DENND1B: variants seen among roughly 807,000 people sequenced by gnomAD.
DENND1B encodes the protein DENN domain-containing protein 1B.
A neutral mutation model predicts 90.1 loss-of-function variants in DENND1B; 59 were observed. The observed-to-expected ratio is 0.65, with a 90% CI of 0.53 to 0.81. The LOEUF is 0.81. Among genes scored for constraint, DENND1B ranks in the 40% least tolerant of loss-of-function variants. DENND1B has a pLI of 0.00. For missense variants in DENND1B, 862 were observed against 912.6 expected, an observed-to-expected ratio of 0.94 and a Z score of 0.71; for synonymous variants, 337 against 324.6, an observed-to-expected ratio of 1.04 and a Z score of -0.41.
intron 10 of DENND1B, among the ~76,000 whole-genome samples, chr1:197,634,151 C>T (rs927809127): frequency 2.0e-5 from 3 of 152,160 alleles, no homozygotes; most frequent in African/African-American, 4.8e-5. Flanking sequence ...CTGGGTGCTC[C>T]GTCTCAGCCC....
intron 10 of DENND1B, among the ~76,000 whole-genome samples, chr1:197,628,296 C>T (rs555602017): frequency 2.1e-4 from 32 of 152,244 alleles, no homozygotes; most frequent in African/African-American, 7.5e-4. Context: ...CTATAGTAAC[C>T]AAAACAGTGT....
At chr1:197,552,989 A>T (rs1422877481) in intron 16 of DENND1B, 33 bp downstream of exon 16, 1 of 1,561,956 alleles carries the variant, frequency 6.4e-7, no homozygotes, top group South Asian at 1.2e-5. Flanking sequence ...TGTTATTGAG[A>T]AAATGGATAA....
At chr1:197,530,876 A>C (rs575670626) in intron 20 of DENND1B, among the ~76,000 whole-genome samples, 23 of 152,296 alleles carry the variant, frequency 1.5e-4, no homozygotes, top group Non-Finnish European at 2.5e-4. Context: ...CTCAATGTTA[A>C]ATCCTAGTAC....
intron 2 of DENND1B, among the ~76,000 whole-genome samples, chr1:197,769,293 A>C (rs1379725836): frequency 6.6e-6 from 1 of 152,114 alleles, no homozygotes; most frequent in Non-Finnish European, 1.5e-5. Flanking sequence ...CAACCCCTTT[A>C]CCTCTACCCC....
intron 3 of DENND1B, among the ~76,000 whole-genome samples, chr1:197,707,296 T>C (rs1571437518): frequency 6.6e-6 from 1 of 152,192 alleles, no homozygotes; most frequent in African/African-American, 2.4e-5. Context: ...AGAGGTTAGT[T>C]AATGGATCCA....
At chr1:197,596,143 G>GA (rs1253737699) in intron 13 of DENND1B, among the ~76,000 whole-genome samples, 1 of 151,894 alleles carries the variant, frequency 6.6e-6, no homozygotes, top group Non-Finnish European at 1.5e-5. Context: ...TCAAATCAAA[G>GA]AAAAACTTAC....
chr1:197,717,578 T>A (rs1039136286), intron 2 of DENND1B, among the ~76,000 whole-genome samples: 1 of 151,992 alleles, frequency 6.6e-6, no homozygotes, highest in South Asian at 2.1e-4. Context: ...TGTTACAGCA[T>A]AGTAAGAAAA....
chr1:197,516,806 T>C (rs1371279259), intron 20 of DENND1B, among the ~76,000 whole-genome samples: 1 of 151,716 alleles, frequency 6.6e-6, no homozygotes, highest in East Asian at 1.9e-4. Flanking sequence ...ATATTAACTA[T>C]GCAGGACCTG....
At chr1:197,735,516 T>G in intron 2 of DENND1B, 1 of 1,606,954 alleles carries the variant, frequency 6.2e-7, no homozygotes, top group Non-Finnish European at 8.5e-7. Context: ...TATGTTTACT[T>G]TAGTGTGAAC....
chr1:197,603,974 A>G (rs998538080), intron 13 of DENND1B, among the ~76,000 whole-genome samples: 9 of 151,252 alleles, frequency 6.0e-5, no homozygotes, highest in African/African-American at 1.7e-4. Context: ...ACTGTGATTG[A>G]TGCTGTAACT....
At chr1:197,553,441 A>G (rs781489930) in intron 15 of DENND1B, among the ~76,000 whole-genome samples, 27 of 152,134 alleles carry the variant, frequency 1.8e-4, no homozygotes, top group Admixed American at 6.6e-5. Context: ...CACAATCTCT[A>G]CAGAGGAGTT....
chr1:197,538,862 G>T (rs1670116441), intron 20 of DENND1B, among the ~76,000 whole-genome samples: 2 of 151,864 alleles, frequency 1.3e-5, no homozygotes, highest in African/African-American at 4.8e-5. Flanking sequence ...CCTCTTGGGT[G>T]GGATTAGTGC....
intron 10 of DENND1B, among the ~76,000 whole-genome samples, chr1:197,628,908 C>CA (rs1268655098): frequency 6.6e-6 from 1 of 151,762 alleles, no homozygotes; most frequent in Non-Finnish European, 1.5e-5. Context: ...TTTATGCAGC[C>CA]AAAAAACACA....
At chr1:197,777,360 G>A (rs576249178), upstream of DENND1B, among the ~76,000 whole-genome samples, 1 of 152,158 alleles carries the variant, frequency 6.6e-6, no homozygotes, top group East Asian at 1.9e-4. Context: ...TAAGTACATC[G>A]AGGGAAATAC....
At chr1:197,776,103 A>G (rs537827427), upstream of DENND1B, among the ~76,000 whole-genome samples, 15 of 152,338 alleles carry the variant, frequency 9.8e-5, no homozygotes, top group East Asian at 2.9e-3. Flanking sequence ...ACACATGTAC[A>G]TAGTCGCAGG....
chr1:197,606,985 A>G, intron 13 of DENND1B, 88 bp downstream of exon 13: 1 of 908,598 alleles, frequency 1.1e-6, no homozygotes, highest in Non-Finnish European at 1.7e-6. Flanking sequence ...CTTTTATTTC[A>G]GATATTAAAA....
At chr1:197,667,627 T>C (rs932098134) in intron 5 of DENND1B, among the ~76,000 whole-genome samples, 4 of 151,848 alleles carry the variant, frequency 2.6e-5, no homozygotes, top group African/African-American at 9.7e-5. Flanking sequence ...ACGGGGTTTC[T>C]TGACCTCGTA....
chr1:197,595,080 T>C (rs1675563828), intron 14 of DENND1B, 128 bp downstream of exon 14: 1 of 1,274,420 alleles, frequency 7.8e-7, no homozygotes, highest in African/African-American at 1.5e-5. Flanking sequence ...ACACATTATT[T>C]TGGATCTTAA....
chr1:197,573,008 C>T (rs201587418), intron 15 of DENND1B, among the ~76,000 whole-genome samples: 29 of 152,104 alleles, frequency 1.9e-4, no homozygotes, highest in East Asian at 9.7e-4. Flanking sequence ...TTTTTTATTG[C>T]GTCTATTTGA....
Sources: gnomAD v4.1 joint callset for allele counts (sites outside exome capture counted in the v4.1 genomes callset) on GRCh38, gnomAD v4.1.1 for gene constraint, MANE v1.5 for transcripts, NCBI Gene and HGNC (gene_info 2026-07-23, HGNC 2026-07-21) for gene names.